NRXN3: variants seen among roughly 807,000 people sequenced by gnomAD.
The protein encoded by NRXN3 is neurexin 3, also known as neurexin III.
In NRXN3, 32 loss-of-function variants were observed where a neutral mutation model predicts 137.6. That is an observed-to-expected ratio of 0.23 (90% CI 0.18 to 0.31). The LOEUF (loss-of-function observed/expected upper bound fraction) is 0.31, where lower values mean the gene tolerates loss of function less well. Among genes scored for constraint, NRXN3 ranks in the 10% least tolerant of loss-of-function variants. The pLI, the probability that NRXN3 is intolerant of heterozygous loss-of-function variation, is 1.00. For synonymous variants in NRXN3, 798 were observed against 784.5 expected (o/e 1.02, Z -0.29); for missense variants, 1,574 against 2,062.5 (o/e 0.76, Z 4.59).
chr14:78,396,280 T>C (rs985715385), intron 4 of NRXN3, among the ~76,000 whole-genome samples: 1 of 152,130 alleles, frequency 6.6e-6, no homozygotes, highest in Admixed American at 6.6e-5. Context: ...CTCTTTACCC[T>C]CCCCTATTTA....
At chr14:78,433,484 G>A (rs929389527) in intron 4 of NRXN3, among the ~76,000 whole-genome samples, 1 of 152,084 alleles carries the variant, frequency 6.6e-6, no homozygotes, top group Non-Finnish European at 1.5e-5. Context: ...TATATGTTGG[G>A]TACTTAGTCC....
At chr14:78,815,034 C>T (rs1271651573) in intron 10 of NRXN3, among the ~76,000 whole-genome samples, 2 of 151,994 alleles carry the variant, frequency 1.3e-5, no homozygotes, top group African/African-American at 4.8e-5. Context: ...GTGTTGTGGC[C>T]ATCTTCATTA....
intron 1 of NRXN3, among the ~76,000 whole-genome samples, chr14:78,205,075 C>G (rs560221558): frequency 6.6e-6 from 1 of 152,150 alleles, no homozygotes; most frequent in Non-Finnish European, 1.5e-5. Context: ...GCCCGCTGCC[C>G]CAGCCCACAG....
intron 16 of NRXN3, among the ~76,000 whole-genome samples, chr14:79,535,679 G>A (rs2097204747): frequency 6.6e-6 from 1 of 152,056 alleles, no homozygotes; most frequent in Non-Finnish European, 1.5e-5. Flanking sequence ...GCAATCATGT[G>A]GTGAAAGGTA....
chr14:78,695,616 G>A (rs190831530), intron 6 of NRXN3: 1 of 152,158 alleles, frequency 6.6e-6, no homozygotes, highest in East Asian at 1.9e-4. Context: ...TAAGTAACTG[G>A]AAGAGCTGGT....
At chr14:79,107,936 A>C (rs942412923) in intron 15 of NRXN3, among the ~76,000 whole-genome samples, 1 of 152,200 alleles carries the variant, frequency 6.6e-6, no homozygotes, top group Non-Finnish European at 1.5e-5. Context: ...ACCAATATAA[A>C]TGTGCCAAAG....
intron 6 of NRXN3, among the ~76,000 whole-genome samples, chr14:78,686,856 G>C (rs1301609146): frequency 6.6e-6 from 1 of 152,114 alleles, no homozygotes; most frequent in African/African-American, 2.4e-5. Context: ...GTGACTTTCT[G>C]CTGAGCCTAA....
chr14:79,787,838 G>C (rs1322455573), intron 19 of NRXN3, among the ~76,000 whole-genome samples: 5 of 151,948 alleles, frequency 3.3e-5, no homozygotes, highest in Non-Finnish European at 7.4e-5. Flanking sequence ...TGAAAAAATA[G>C]CTTATAAAGC....
At chr14:78,945,473 A>G (rs1399029906) in intron 10 of NRXN3, among the ~76,000 whole-genome samples, 4 of 152,092 alleles carry the variant, frequency 2.6e-5, no homozygotes, top group Non-Finnish European at 5.9e-5. Flanking sequence ...TTTCACTATG[A>G]GGATTAGTCA....
At chr14:79,148,286 T>C (rs2059485928) in intron 15 of NRXN3, among the ~76,000 whole-genome samples, 1 of 152,082 alleles carries the variant, frequency 6.6e-6, no homozygotes, top group Admixed American at 6.5e-5. Context: ...TTGTGAATGA[T>C]TGAAAAGAGC....
At chr14:78,973,086 A>G (rs928566149) in intron 14 of NRXN3, among the ~76,000 whole-genome samples, 20 of 152,212 alleles carry the variant, frequency 1.3e-4, no homozygotes, top group Non-Finnish European at 4.4e-5. Context: ...AGATCAATGC[A>G]TGAAAAATAG....
chr14:79,196,781 C>T (rs189072837), intron 15 of NRXN3, among the ~76,000 whole-genome samples: 1 of 152,162 alleles, frequency 6.6e-6, no homozygotes, highest in East Asian at 1.9e-4. Context: ...TTGTGCAGCT[C>T]AAATTAGGTC....
intron 13 of NRXN3, 68 bp from the exon 14 acceptor site, chr14:78,968,105 A>G (rs964881044): frequency 2.8e-5 from 22 of 777,480 alleles, no homozygotes; most frequent in Non-Finnish European, 3.3e-5. Context: ...TCTCAAGTGT[A>G]TCAAACTAGT....
intron 4 of NRXN3, among the ~76,000 whole-genome samples, chr14:78,411,848 T>C (rs1489874967): frequency 6.6e-6 from 1 of 152,228 alleles, no homozygotes; most frequent in East Asian, 1.9e-4. Context: ...GAAGGGATTA[T>C]CACATTGGAT....
intron 19 of NRXN3, among the ~76,000 whole-genome samples, chr14:79,771,253 G>A (rs1292789851): frequency 7.9e-5 from 12 of 152,108 alleles, no homozygotes; most frequent in Non-Finnish European, 1.3e-4. Flanking sequence ...GAAAAAGAGG[G>A]AATCCTCCCT....
chr14:79,172,538 T>G (rs993906824), intron 15 of NRXN3, among the ~76,000 whole-genome samples: 2 of 152,142 alleles, frequency 1.3e-5, no homozygotes, highest in African/African-American at 4.8e-5. Flanking sequence ...TCACAATAGA[T>G]AGCAAAAATC....
chr14:78,461,605 A>T (rs933338905), intron 4 of NRXN3, among the ~76,000 whole-genome samples: 1 of 152,192 alleles, frequency 6.6e-6, no homozygotes, highest in Admixed American at 6.5e-5. Context: ...GTGTCTGTCC[A>T]TCCAACCAGT....
At chr14:79,249,480 G>A (rs1277659612) in intron 15 of NRXN3, among the ~76,000 whole-genome samples, 1 of 152,190 alleles carries the variant, frequency 6.6e-6, no homozygotes, top group Non-Finnish European at 1.5e-5. Flanking sequence ...ATGAGAAAAT[G>A]TGAAAAGTCT....
chr14:78,662,233 T>TA (rs541550460), intron 6 of NRXN3, among the ~76,000 whole-genome samples: 115 of 145,640 alleles, frequency 7.9e-4, no homozygotes, highest in East Asian at 1.2e-3. Flanking sequence ...AGCTGAGCTG[T>TA]AAAAAAAAAA....
Sources: gnomAD v4.1 joint callset for allele counts (sites outside exome capture counted in the v4.1 genomes callset) on GRCh38, gnomAD v4.1.1 for gene constraint, MANE v1.5 for transcripts, NCBI Gene and HGNC (gene_info 2026-07-23, HGNC 2026-07-21) for gene names.